The following RARA variants were observed in gnomAD, a reference collection of about 807,000 sequenced individuals.
RARA encodes PML-DDX5-RARA fusion.
A neutral mutation model predicts 42.8 loss-of-function variants in RARA; 5 were observed. The ratio of observed to expected loss-of-function variants is 0.12; its 90% confidence interval spans 0.06 to 0.25. RARA has a LOEUF of 0.25. Among genes scored for constraint, RARA ranks in the 10% least tolerant of loss-of-function variants. The pLI, the probability that RARA is intolerant of heterozygous loss-of-function variation, is 1.00. For missense variants in RARA, 402 were observed against 628.7 expected, an observed-to-expected ratio of 0.64 and a Z score of 3.86; for synonymous variants, 256 against 259.5, an observed-to-expected ratio of 0.99 and a Z score of 0.13.
At chr17:40,342,907 G>A (rs1164866301) in intron 2 of RARA, 3 of 1,585,392 alleles carry the variant, frequency 1.9e-6, no homozygotes, top group African/African-American at 2.7e-5. Flanking sequence ...TAGGGGGTGG[G>A]AGTGGGCGGT....
intron 1 of RARA, among the ~76,000 whole-genome samples, chr17:40,311,230 G>A (rs2033089476): frequency 6.6e-6 from 1 of 152,124 alleles, no homozygotes; most frequent in African/African-American, 2.4e-5. Flanking sequence ...CAGGAGGGAA[G>A]CCAGTGGGAG....
rs1325869377 is a variant in RARA at position 40,326,286 on chromosome 17, G to A, written c.-362-4571G>A. Among the ~76,000 whole-genome samples the A allele has an allele frequency of 1.3e-5, 2 of 152,230 alleles. No individual in the cohort carries two copies. Among genetic ancestry groups the A allele is most frequent in the African/African-American group, 2.4e-5 (1 of 41,452 alleles). On this transcript the variant is annotated intron_variant, in intron 1 of 8. Transcript: ENST00000254066. The surrounding 1 kb of genome is among the most constrained non-coding windows in gnomAD (Gnocchi z 5.2). ...AAGCTCTGGTCTGGGTGCTTTCCAGGACTTCCTGTCTGAAATCGCACAGCT... is the reference window on the plus strand; with the variant it reads ...AAGCTCTGGTCTGGGTGCTTTCCAGAACTTCCTGTCTGAAATCGCACAGCT...
rs1165788898 is a variant in RARA at position 40,355,395 on chromosome 17, C to T, written c.1145C>T (p.Thr382Ile). The T allele has an allele frequency of 6.2e-7, 1 of 1,613,894 alleles. No individual in the cohort carries two copies. The highest frequency in any genetic ancestry group is 8.5e-7 in the Non-Finnish European group (1 of 1,179,940). ...TTCCCCAAGATGCTAATGAAGATTA[C>T]TGACCTGCGAAGCATCAGCGCCAAG... Reference protein sequence around the residue: ...HMFPKMLMKITDLRSISAKGA... With the variant: ...HMFPKMLMKIIDLRSISAKGA... Residue 382 changes from threonine to isoleucine, a missense_variant, in exon 8 of 9, where the codon ACT becomes ATT. By Grantham distance (89) the Thr-to-Ile change is moderately conservative. Transcript: ENST00000254066. This position sits in a 1 kb window ranked among gnomAD's most constrained non-coding sequence, Gnocchi z 4.1.
chr17:40,323,731 T>TGG (rs1299796489), intron 1 of RARA, among the ~76,000 whole-genome samples: 2 of 34,518 alleles, frequency 5.8e-5, no homozygotes, highest in Non-Finnish European at 5.6e-5. Flanking sequence ...GGAAGTTGCT[T>TGG]GGGGGGGGGT....
Position 40,331,169 on chromosome 17 carries a change from A to C in RARA, c.-50A>C. ...GAGGAGGGGTGGTCTGAAGCCCACCAGAGCCCCCTGCCAGACTGTCTGCCT... is the reference window on the plus strand; with the variant it reads ...GAGGAGGGGTGGTCTGAAGCCCACCCGAGCCCCCTGCCAGACTGTCTGCCT... On this transcript the variant is annotated 5_prime_UTR_variant, in exon 2 of 9. Transcript: ENST00000254066. 6.5e-7 allele frequency: 1 copy of C among 1,536,344 alleles called. No homozygotes were observed.
At position 40,352,344 on chromosome 17, in the gene RARA, A is replaced by T. The variant is rs2034483681; in HGVS notation, c.644A>T (p.Glu215Val). 2 of 1,607,910 alleles carry T rather than the reference A, an allele frequency of 1.2e-6. No homozygotes were observed. Among genetic ancestry groups the T allele is most frequent in the East Asian group, 4.5e-5 (2 of 44,640 alleles). The change falls in exon 6 of 9, where the codon GAA becomes GTA. Residue 215 changes from glutamate to valine, a missense_variant. Transcript: ENST00000254066. The surrounding 1 kb of genome is among the most constrained non-coding windows in gnomAD (Gnocchi z 4.9). Reference sequence around the variant, plus strand: ...CTCCTCCCCCAGAACAACAGCTCAGAACAACGTGTCTCTCTGGACATTGAC... The same window carrying T: ...CTCCTCCCCCAGAACAACAGCTCAGTACAACGTGTCTCTCTGGACATTGAC... ...LGKYTTNNSS[E>V]QRVSLDIDLW...
In RARA at chr17:40,320,033, G is replaced by A. The variant is rs2033331449; in HGVS notation, c.-363+10747G>A. The stretch of plus-strand genomic sequence containing the variant: ...TGTGGTGTCCTGAAAGAGAGGTCAG[G>A]AGGGTCAGACTGGAGTAGCCTCTTG... On this transcript the variant is annotated intron_variant, in intron 1 of 8. Coordinates refer to ENST00000254066, the MANE Select transcript of RARA (RefSeq NM_000964.4). This position sits in a 1 kb window ranked among gnomAD's most constrained non-coding sequence, Gnocchi z 4.1. 6.6e-6 allele frequency among the ~76,000 whole-genome samples: 1 copy of A among 152,128 alleles called. No individual in the cohort carries two copies. The highest frequency in any genetic ancestry group is 2.1e-4 in the South Asian group (1 of 4,828).
At position 40,356,517 on chromosome 17, in the gene RARA, A is replaced by G. The variant is rs1375817881; in HGVS notation, c.*291A>G. 1.5e-6 allele frequency: 1 copy of G among 654,354 alleles called. No homozygotes were observed. The allele number at this position is 654,354 out of a possible 1,614,324, so 40.5% of individuals were successfully genotyped here. A position where few individuals can be genotyped will look rare whatever the true frequency, so the allele number is the denominator to read the frequency against. On this transcript the variant is annotated 3_prime_UTR_variant, in exon 9 of 9. Transcript: ENST00000254066. Reference sequence around the variant, plus strand: ...GATGGGTCCTGGGGGCCTCGTGTTCATCAAGACACCCCTCTGCCCAGCTCA... The same window carrying G: ...GATGGGTCCTGGGGGCCTCGTGTTCGTCAAGACACCCCTCTGCCCAGCTCA...
chr17:40,344,897 G>A (rs1164033945), intron 2 of RARA, among the ~76,000 whole-genome samples: 2 of 152,188 alleles, frequency 1.3e-5, no homozygotes, highest in Admixed American at 6.5e-5. Context: ...CACCTTGGAA[G>A]GGTCCCCTTG....
intron 2 of RARA, among the ~76,000 whole-genome samples, chr17:40,335,979 G>A (rs909294290): frequency 6.6e-5 from 10 of 152,154 alleles, no homozygotes; most frequent in Admixed American, 6.5e-4. Flanking sequence ...CTCCAGCCTG[G>A]TGGGTGACAG....
At chr17:40,341,491 C>T (rs2034035626) in intron 2 of RARA, 1 of 1,501,448 alleles carries the variant, frequency 6.7e-7, no homozygotes, top group Non-Finnish European at 8.9e-7. Flanking sequence ...CCCGCGCGAC[C>T]CGGCCCTACG....
At chr17:40,341,409 C>A in intron 2 of RARA, 1 of 1,507,090 alleles carries the variant, frequency 6.6e-7, no homozygotes. Context: ...CAGACAATGA[C>A]ACAAGCCGGT....
At position 40,348,610 on chromosome 17, in the gene RARA, C is replaced by G; in HGVS notation, c.327+146C>G. The G allele has an allele frequency of 4.7e-6, 5 of 1,063,254 alleles. No homozygotes were observed. The South Asian group carries it at 9.3e-5, about 20-fold the overall frequency. 65.9% of individuals were successfully genotyped at this position (1,063,254 alleles called of 1,614,324 possible). ...TGGAAGTTGGCAGCAAGCAGGGACA[C>G]CTACCACAGTTTCCCCACAGGTCCT... On this transcript the variant is annotated intron_variant, in intron 3 of 8. Coordinates refer to ENST00000254066, the MANE Select transcript of RARA (RefSeq NM_000964.4).
At chr17:40,344,449 G>T (rs2034184426) in intron 2 of RARA, among the ~76,000 whole-genome samples, 1 of 152,168 alleles carries the variant, frequency 6.6e-6, no homozygotes, top group Admixed American at 6.5e-5. Context: ...CCCTTCCACT[G>T]CCTTGGCCAC....
At chr17:40,347,146 T>TCCG (rs2034294178) in intron 2 of RARA, among the ~76,000 whole-genome samples, 1 of 152,152 alleles carries the variant, frequency 6.6e-6, no homozygotes, top group Admixed American at 6.5e-5. Context: ...CACCTTTAAA[T>TCCG]GCCAGCCAGT....
In RARA at chr17:40,354,716, G is replaced by T. The variant is rs1035305333; in HGVS notation, c.1012+210G>T. Among the ~76,000 whole-genome samples the T allele has an allele frequency of 4.6e-5, 7 of 152,318 alleles. No individual in the cohort carries two copies. The South Asian group carries it at 1.5e-3, about 32-fold the overall frequency. ...CCTTCTAGGGAGGTTAAGAGTGAGG[G>T]TTTGAGGGTCGGACCAACCAGGGTC... On this transcript the variant is annotated intron_variant, in intron 7 of 8. Transcript: ENST00000254066. The surrounding 1 kb of genome is among the most constrained non-coding windows in gnomAD (Gnocchi z 4.5).
Position 40,354,238 on chromosome 17 carries a change from T to TGGTG in RARA, c.808-63_808-60dup. On this transcript the variant is annotated intron_variant, in intron 6 of 8. Transcript: ENST00000254066. The surrounding 1 kb of genome is among the most constrained non-coding windows in gnomAD (Gnocchi z 4.5). The stretch of plus-strand genomic sequence containing the variant: ...CTCCGGGAGTGCTGGTGCGGAGTGC[T>TGGTG]GGTGCCGAGTGCTCAGAGTGGGTTC... 1 of 1,509,832 alleles carries TGGTG rather than the reference T, an allele frequency of 6.6e-7. No individual in the cohort carries two copies. The highest frequency in any genetic ancestry group is 9.1e-7 in the Non-Finnish European group (1 of 1,096,000). 93.5% of individuals were successfully genotyped at this position (1,509,832 alleles called of 1,614,324 possible). A position where few individuals can be genotyped will look rare whatever the true frequency, so the allele number is the denominator to read the frequency against.
Position 40,351,981 on chromosome 17 carries a change from A to C in RARA, c.541A>C (p.Thr181Pro). The part of the protein sequence containing the change: ...KPECSESYTL[T>P]PEVGELIEKV... The stretch of plus-strand genomic sequence containing the variant: ...CGAGTGCTCTGAGAGCTACACGCTG[A>C]CGCCGGAGGTGGGGGAGCTCATTGA... The change falls in exon 5 of 9, where the codon ACG (threonine) becomes CCG (proline). Residue 181 changes from threonine to proline, a missense_variant. By Grantham distance (38) the Thr-to-Pro change is conservative (BLOSUM62 -1). Coordinates refer to ENST00000254066, the MANE Select transcript of RARA (RefSeq NM_000964.4). The surrounding 1 kb of genome is among the most constrained non-coding windows in gnomAD (Gnocchi z 4.1). The C allele has an allele frequency of 6.2e-7, 1 of 1,606,696 alleles. No homozygotes were observed. The highest frequency in any genetic ancestry group is 1.1e-5 in the South Asian group (1 of 90,380).
intron 2 of RARA, among the ~76,000 whole-genome samples, chr17:40,346,620 C>G (rs571711919): frequency 6.6e-6 from 1 of 152,146 alleles, no homozygotes; most frequent in Non-Finnish European, 1.5e-5. Flanking sequence ...GCCTCCTGGC[C>G]TCACCCAGGC....
Sources: gnomAD v4.1 joint callset for allele counts (sites outside exome capture counted in the v4.1 genomes callset) on GRCh38, gnomAD v4.1.1 for gene constraint, Gnocchi (gnomAD v3.1) non-coding constraint, MANE v1.5 for transcripts, NCBI Gene and HGNC (gene_info 2026-07-23, HGNC 2026-07-21) for gene names.